Variants in CC2D2B observed in about 807,000 individuals in gnomAD.
CC2D2B encodes protein CC2D2B.
CC2D2B carries 128 observed loss-of-function variants against 161.2 expected under a neutral mutation model. That is an observed-to-expected ratio of 0.79 (90% CI 0.69 to 0.92). The LOEUF (loss-of-function observed/expected upper bound fraction) is 0.92, where lower values mean the gene tolerates loss of function less well. Ranked by LOEUF, CC2D2B falls within the 40% of genes least tolerant of loss-of-function variation. The pLI is 0.00. For missense variants in CC2D2B, 1,173 were observed against 1,375.1 expected (o/e 0.85, Z 2.32); for synonymous variants, 391 against 449.8 (o/e 0.87, Z 1.65).
chr10:95,985,441 C>T (rs1414870755), intron 19 of CC2D2B, among the ~76,000 whole-genome samples: 1 of 152,192 alleles, frequency 6.6e-6, no homozygotes, highest in Non-Finnish European at 1.5e-5. Flanking sequence ...GTCTTTACTG[C>T]AATCTCTTAA....
intron 14 of CC2D2B, 51 bp downstream of exon 14, chr10:95,966,353 GA>G: frequency 1.5e-6 from 1 of 687,868 alleles, no homozygotes; most frequent in East Asian, 3.5e-5. Context: ...CTATTAATTG[GA>G]TTGTTTTTAA....
intron 6 of CC2D2B, among the ~76,000 whole-genome samples, chr10:95,931,402 G>C (rs2098549856): frequency 6.6e-6 from 1 of 152,020 alleles, no homozygotes; most frequent in Non-Finnish European, 1.5e-5. Flanking sequence ...TCTGATCTTA[G>C]TTATTTCTTG....
intron 24 of CC2D2B, among the ~76,000 whole-genome samples, chr10:95,998,114 A>G (rs1410286033): frequency 6.6e-6 from 1 of 151,516 alleles, no homozygotes; most frequent in East Asian, 1.9e-4. Flanking sequence ...AAGAGACTTT[A>G]TTTTTAGAGC....
chr10:95,912,057 C>A (rs1297270300), intron 2 of CC2D2B, among the ~76,000 whole-genome samples: 6 of 152,094 alleles, frequency 3.9e-5, no homozygotes, highest in Non-Finnish European at 7.4e-5. Flanking sequence ...AGACTGGGCT[C>A]TTTTTATGAT....
intron 10 of CC2D2B, among the ~76,000 whole-genome samples, chr10:95,951,065 T>A (rs1212288093): frequency 6.6e-6 from 1 of 152,164 alleles, no homozygotes; most frequent in African/African-American, 2.4e-5. Context: ...GTGATCTGCC[T>A]AACTCGGCCT....
intron 3 of CC2D2B, among the ~76,000 whole-genome samples, chr10:95,923,858 T>C (rs1187674864): frequency 6.6e-6 from 1 of 151,838 alleles, no homozygotes; most frequent in Non-Finnish European, 1.5e-5. Context: ...CTACTAAAAA[T>C]ACAAAAAAGA....
Position 95,938,086 on chromosome 10 carries a change from C to A in CC2D2B, c.432C>A (p.Phe144Leu). ...AAGAGGAAGAGTTTATGAAAGAATT[C>A]ATTTTGACAGATATACTCAAAGTAA... Reference protein sequence around the residue: ...ESEEEEFMKEFILTDILKVKA... With the variant: ...ESEEEEFMKELILTDILKVKA... The change falls in exon 7 of 35, where the codon TTC becomes TTA. Residue 144 changes from phenylalanine to leucine, a missense_variant. Coordinates refer to ENST00000646931, the MANE Select transcript of CC2D2B (RefSeq NM_001349008.3). 6.5e-7 allele frequency: 1 copy of A among 1,548,982 alleles called. No individual in the cohort carries two copies. Among genetic ancestry groups the A allele is most frequent in the Non-Finnish European group, 8.7e-7 (1 of 1,144,692 alleles).
At chr10:95,976,204 C>G (rs1590697029) in intron 17 of CC2D2B, among the ~76,000 whole-genome samples, 2 of 152,224 alleles carry the variant, frequency 1.3e-5, no homozygotes, top group South Asian at 4.2e-4. Flanking sequence ...TAGATTTTTC[C>G]TGCCAGAGTT....
At chr10:96,010,599 C>T (rs917097005) in intron 26 of CC2D2B, among the ~76,000 whole-genome samples, 1 of 152,162 alleles carries the variant, frequency 6.6e-6, no homozygotes, top group African/African-American at 2.4e-5. Context: ...TACATGGGAA[C>T]ATACAGTAGG....
intron 5 of CC2D2B, among the ~76,000 whole-genome samples, chr10:95,926,854 G>GTGTC (rs2098540144): frequency 6.7e-6 from 1 of 149,002 alleles, no homozygotes; most frequent in Non-Finnish European, 1.5e-5. Context: ...GTGTCTGTGT[G>GTGTC]TGTGTGTGTG....
chr10:95,946,378 T>C (rs1294240051), intron 9 of CC2D2B, among the ~76,000 whole-genome samples: 1 of 152,168 alleles, frequency 6.6e-6, no homozygotes, highest in Non-Finnish European at 1.5e-5. Flanking sequence ...CTTGTGTCAC[T>C]CCATTAGAAA....
chr10:95,966,825 T>C (rs1320069013), intron 14 of CC2D2B, among the ~76,000 whole-genome samples: 1 of 152,080 alleles, frequency 6.6e-6, no homozygotes, highest in African/African-American at 2.4e-5. Context: ...TACTTCACAG[T>C]TGTGATTTCT....
At chr10:96,010,256 T>C (rs188469521) in intron 26 of CC2D2B, among the ~76,000 whole-genome samples, 1 of 152,342 alleles carries the variant, frequency 6.6e-6, no homozygotes, top group Admixed American at 6.5e-5. Context: ...GAGTTTCAGC[T>C]TGTCAACACT....
intron 11 of CC2D2B, among the ~76,000 whole-genome samples, chr10:95,956,872 AT>A (rs1298476349): frequency 6.6e-6 from 1 of 152,116 alleles, no homozygotes; most frequent in African/African-American, 2.4e-5. Flanking sequence ...TATTCACATT[AT>A]TTTTTACTCT....
intron 29 of CC2D2B, 47 bp from the exon 30 acceptor site, chr10:96,016,154 T>C (rs1228667719): frequency 7.8e-7 from 1 of 1,288,856 alleles, no homozygotes; most frequent in East Asian, 2.3e-5. Context: ...TACTCAACTT[T>C]CCCGCACTTT....
At chr10:96,022,669 T>C (rs2079520278) in intron 32 of CC2D2B, 1 of 152,226 alleles carries the variant, frequency 6.6e-6, no homozygotes, top group South Asian at 2.1e-4. Context: ...TCAGGTGATA[T>C]TTATTGATTT....
chr10:95,999,059 C>T (rs1050911945), intron 24 of CC2D2B, among the ~76,000 whole-genome samples: 7 of 151,740 alleles, frequency 4.6e-5, no homozygotes, highest in Non-Finnish European at 4.4e-5. Flanking sequence ...CCAGCCTGGG[C>T]GACAGAAGGA....
At position 96,032,300 on chromosome 10, in the gene CC2D2B, T is replaced by C; in HGVS notation, c.*292T>C. The C allele has an allele frequency of 3.3e-6, 1 of 298,548 alleles. No individual in the cohort carries two copies. The highest frequency in any genetic ancestry group is 6.3e-6 in the Non-Finnish European group (1 of 159,348). The allele number at this position is 298,548 out of a possible 1,614,324, so 18.5% of individuals were successfully genotyped here. On this transcript the variant is annotated 3_prime_UTR_variant, in exon 35 of 35. Coordinates refer to ENST00000646931, the MANE Select transcript of CC2D2B (RefSeq NM_001349008.3). ...GTCTTATTCTGGGAAAGAAGCAATT[T>C]TGGCCTCTTCTCCTAAGACCAATGT...
intron 10 of CC2D2B, among the ~76,000 whole-genome samples, chr10:95,953,121 A>G (rs1390494715): frequency 6.6e-6 from 1 of 152,172 alleles, no homozygotes; most frequent in Non-Finnish European, 1.5e-5. Flanking sequence ...AAGTCCATAA[A>G]AGAAGTATGT....
Sources: gnomAD v4.1 joint callset for allele counts (sites outside exome capture counted in the v4.1 genomes callset) on GRCh38, gnomAD v4.1.1 for gene constraint, MANE v1.5 for transcripts, NCBI Gene and HGNC (gene_info 2026-07-23, HGNC 2026-07-21) for gene names.